Variants in EYS observed in about 807,000 individuals in gnomAD.
EYS encodes the protein EGF-like photoreceptor maintenance factor, also known as protein eyes shut homolog.
Under a neutral mutation model 282.1 loss-of-function variants are expected in EYS, and 250 were observed. The observed-to-expected ratio is 0.89, with a 90% CI of 0.80 to 0.98. EYS has a LOEUF of 0.98. Ranked by LOEUF, EYS falls within the 50% of genes least tolerant of loss-of-function variation. EYS has a pLI of 0.00. For missense variants in EYS, 4,016 were observed against 3,709.0 expected, an observed-to-expected ratio of 1.08 and a Z score of -2.15; for synonymous variants, 1,355 against 1,282.9, an observed-to-expected ratio of 1.06 and a Z score of -1.20.
chr6:64,447,439 A>G (rs1048880439), intron 26 of EYS, among the ~76,000 whole-genome samples: 2 of 150,148 alleles, frequency 1.3e-5, no homozygotes, highest in Non-Finnish European at 3.0e-5. Flanking sequence ...GAAGCTTTAC[A>G]TATGCTTCTT....
At chr6:65,543,890 G>T (rs529353033) in intron 2 of EYS, among the ~76,000 whole-genome samples, 6 of 152,316 alleles carry the variant, frequency 3.9e-5, no homozygotes, top group Admixed American at 6.5e-5. Context: ...CATTGCTGGA[G>T]TGAAGGGTAT....
rs747016840 is a variant in EYS at position 64,902,237 on chromosome 6, T to G, written c.2739-17A>C. On this transcript the variant is annotated splice_polypyrimidine_tract_variant and intron_variant, in intron 17 of 42. Coordinates refer to ENST00000503581, the MANE Select transcript of EYS (RefSeq NM_001142800.2). ...CAAATACACCTTTTAAACAAAAAAT[T>G]TAGTAACTCCATTAGTATATATGTA... 2 of 1,504,718 alleles carry G rather than the reference T, an allele frequency of 1.3e-6. No homozygotes were observed. Among genetic ancestry groups the G allele is most frequent in the East Asian group, 2.5e-5 (1 of 40,602 alleles). The allele number at this position is 1,504,718 out of a possible 1,614,324, so 93.2% of individuals were successfully genotyped here.
chr6:64,604,461 G>T (rs569675823), intron 24 of EYS, among the ~76,000 whole-genome samples: 1 of 151,992 alleles, frequency 6.6e-6, no homozygotes, highest in South Asian at 2.1e-4. Context: ...AGAACATCAA[G>T]AATTTGTGAA....
intron 19 of EYS, among the ~76,000 whole-genome samples, chr6:64,874,529 G>A (rs1163621883): frequency 6.6e-6 from 1 of 152,016 alleles, no homozygotes; most frequent in African/African-American, 2.4e-5. Flanking sequence ...TTTGGATTCT[G>A]CTGAAATCAG....
chr6:64,094,747 C>G (rs189214236), intron 31 of EYS, among the ~76,000 whole-genome samples: 13 of 151,848 alleles, frequency 8.6e-5, no homozygotes, highest in Non-Finnish European at 1.5e-4. Context: ...TTGTGTCTCT[C>G]TCTCCTTCAG....
chr6:65,123,758 C>CCCCACACACA (rs1554157088), intron 12 of EYS, among the ~76,000 whole-genome samples: 1 of 147,002 alleles, frequency 6.8e-6, no homozygotes, highest in African/African-American at 2.5e-5. Flanking sequence ...ACCCACCCAC[C>CCCCACACACA]CACACACACA....
rs71551553 is a variant in EYS, at chr6:64,000,168, CTTTTTTTTTTTTTTTTTTT to C, written c.6726-1004_6726-986del. ...CTGAGGAGTTTCCCAAGACATGGGA[CTTTTTTTTTTTTTTTTTTT>C]TTTTTTTTTTTTTTTTTTTTTTTAG... On this transcript the variant is annotated intron_variant, in intron 33 of 42. Transcript: ENST00000503581. 6.1e-3 allele frequency among the ~76,000 whole-genome samples: 259 copies of C among 42,700 alleles called. 6 individuals are homozygous for C. Among genetic ancestry groups the C allele is most frequent in the Middle Eastern group, 0.017 (1 of 60 alleles). The allele number at this position is 42,700 out of a possible 152,430, so 28.0% of individuals were successfully genotyped here. A position where few individuals can be genotyped will look rare whatever the true frequency, so the allele number is the denominator to read the frequency against.
At chr6:64,687,683 T>G (rs998800364) in intron 22 of EYS, among the ~76,000 whole-genome samples, 1 of 152,192 alleles carries the variant, frequency 6.6e-6, no homozygotes, top group Admixed American at 6.5e-5. Flanking sequence ...AAAATTCTCT[T>G]TTTTTGTTGT....
At chr6:64,085,119 A>T (rs1772099336) in intron 31 of EYS, among the ~76,000 whole-genome samples, 1 of 151,984 alleles carries the variant, frequency 6.6e-6, no homozygotes, top group Non-Finnish European at 1.5e-5. Context: ...CTGGGATTAC[A>T]GGTGCATGCC....
chr6:63,923,774 T>C (rs1398641482), intron 35 of EYS, among the ~76,000 whole-genome samples: 2 of 152,198 alleles, frequency 1.3e-5, no homozygotes, highest in African/African-American at 4.8e-5. Context: ...ATGCCATCTT[T>C]ATGTCTATGA....
rs1250141434 is a variant in EYS at position 65,455,247 on chromosome 6, AT to A, written c.862+35346del. Among the ~76,000 whole-genome samples, 6 of 152,116 alleles carry A rather than the reference AT, an allele frequency of 3.9e-5. No individual in the cohort carries two copies. The East Asian group carries it at 1.2e-3, about 29-fold the overall frequency. On this transcript the variant is annotated intron_variant, in intron 5 of 42. Transcript: ENST00000503581. ...GGTTAAGTTGATTCTTACATATCTT[AT>A]TTTTTATAGCTGTTGCAAATGAAAT...
chr6:64,953,587 A>G (rs1176676667), intron 14 of EYS, among the ~76,000 whole-genome samples: 1 of 151,848 alleles, frequency 6.6e-6, no homozygotes, highest in Non-Finnish European at 1.5e-5. Flanking sequence ...ATTTATAAAA[A>G]CAAACAGAAC....
intron 13 of EYS, among the ~76,000 whole-genome samples, chr6:65,030,308 A>G (rs1329500223): frequency 6.6e-6 from 1 of 152,062 alleles, no homozygotes; most frequent in Non-Finnish European, 1.5e-5. Context: ...GGCCATTGCC[A>G]TAGGTCCTTT....
intron 35 of EYS, among the ~76,000 whole-genome samples, chr6:63,962,715 T>A (rs1766126416): frequency 6.6e-6 from 1 of 152,144 alleles, no homozygotes; most frequent in Admixed American, 6.5e-5. Context: ...TCCTCAGGGA[T>A]CTAGAACTAG....
chr6:65,407,659 G>A (rs1766809192), intron 5 of EYS, among the ~76,000 whole-genome samples: 1 of 151,890 alleles, frequency 6.6e-6, no homozygotes, highest in African/African-American at 2.4e-5. Flanking sequence ...GTTCTTTGGG[G>A]GGATTCCTTA....
chr6:64,948,558 T>C (rs1453489399), intron 14 of EYS, among the ~76,000 whole-genome samples: 4 of 138,206 alleles, frequency 2.9e-5, no homozygotes, highest in African/African-American at 5.1e-5. Flanking sequence ...TTAATATTAA[T>C]ATTTAATATT....
intron 30 of EYS, among the ~76,000 whole-genome samples, chr6:64,241,865 A>C (rs982536734): frequency 1.3e-5 from 2 of 152,130 alleles, no homozygotes; most frequent in South Asian, 4.1e-4. Context: ...ACTGCTTTAA[A>C]TGTGTTCCAG....
chr6:64,273,014 G>C (rs562926427), intron 30 of EYS, among the ~76,000 whole-genome samples: 2 of 151,908 alleles, frequency 1.3e-5, no homozygotes, highest in African/African-American at 4.8e-5. Context: ...TTCTATGAGG[G>C]TAATCTATGA....
chr6:65,389,350 C>T (rs1305556633), intron 7 of EYS, among the ~76,000 whole-genome samples: 1 of 152,110 alleles, frequency 6.6e-6, no homozygotes, highest in Non-Finnish European at 1.5e-5. Context: ...TGGATAGGGC[C>T]TGAATAGGCC....
Sources: gnomAD v4.1 joint callset for allele counts (sites outside exome capture counted in the v4.1 genomes callset) on GRCh38, gnomAD v4.1.1 for gene constraint, MANE v1.5 for transcripts, NCBI Gene and HGNC (gene_info 2026-07-23, HGNC 2026-07-21) for gene names.